The following POLR1C variants were observed in gnomAD, a reference collection of about 807,000 sequenced individuals.
POLR1C encodes the protein RNA polymerase I and III subunit C, also known as DNA-directed RNA polymerases I and III subunit RPAC1.
Under a neutral mutation model 38.3 loss-of-function variants are expected in POLR1C, and 42 were observed. The observed-to-expected ratio is 1.10, with a 90% CI of 0.86 to 1.42. The LOEUF is 1.42. Ranked by LOEUF, POLR1C falls within the 40% of genes most tolerant of loss-of-function variation. The pLI is 0.00. For missense variants in POLR1C, 507 were observed against 450.5 expected, an observed-to-expected ratio of 1.13 and a Z score of -1.14; for synonymous variants, 163 against 163.9, an observed-to-expected ratio of 0.99 and a Z score of 0.04.
intron 2 of POLR1C, 41 bp from the exon 3 acceptor site, chr6:43,519,290 CAG>C (rs1561856821): frequency 8.3e-7 from 1 of 1,199,570 alleles, no homozygotes; most frequent in African/African-American, 1.5e-5. Context: ...AGATATTACA[CAG>C]AGAGCAGATT....
downstream of POLR1C, chr6:43,530,940 G>A: frequency 1.5e-6 from 2 of 1,326,878 alleles, no homozygotes; most frequent in Non-Finnish European, 1.0e-6. Flanking sequence ...CAGAAGAGCA[G>A]TTGTATTTAC....
At chr6:43,528,074 A>G (rs1157547865) in intron 8 of POLR1C, 1 of 1,357,350 alleles carries the variant, frequency 7.4e-7, no homozygotes, top group African/African-American at 1.5e-5. Flanking sequence ...ACCCTGGGAC[A>G]GCAGAATCCC....
At chr6:43,558,401 G>A (rs1561881411) in intron 10 of POLR1C, 6 of 1,051,458 alleles carry the variant, frequency 5.7e-6, no homozygotes, top group Non-Finnish European at 6.8e-6. Flanking sequence ...TCCAGATTTG[G>A]GGATCTTTCG....
intron 10 of POLR1C, chr6:43,555,807 A>T (rs1274923072): frequency 6.2e-7 from 1 of 1,613,432 alleles, no homozygotes; most frequent in South Asian, 1.1e-5. Context: ...CTAACATTTC[A>T]CTAACATTCA....
downstream of POLR1C, among the ~76,000 whole-genome samples, chr6:43,529,909 C>CAAAAAAAAAA (rs1191727799): frequency 1.0e-5 from 1 of 97,558 alleles, no homozygotes; most frequent in Non-Finnish European, 2.1e-5. Flanking sequence ...GACCCTGTCT[C>CAAAAAAAAAA]AAAAAAAAAA....
downstream of POLR1C, chr6:43,526,365 G>C (rs972700588): frequency 2.3e-6 from 1 of 436,702 alleles, no homozygotes; most frequent in Non-Finnish European, 4.2e-6. Flanking sequence ...TAAAGCAGAG[G>C]AATACAGAGT....
chr6:43,532,662 C>T (rs556112476), downstream of POLR1C, among the ~76,000 whole-genome samples: 2 of 152,310 alleles, frequency 1.3e-5, no homozygotes, highest in Admixed American at 6.5e-5. Flanking sequence ...CTAGCTAGTT[C>T]GTACTCATCC....
downstream of POLR1C, chr6:43,533,832 TA>T: frequency 8.3e-7 from 1 of 1,200,956 alleles, no homozygotes; most frequent in South Asian, 1.3e-5. Context: ...CTATGACTCT[TA>T]AAAAACAACA....
At chr6:43,528,496 TC>T (rs895907743) in intron 8 of POLR1C, among the ~76,000 whole-genome samples, 6 of 152,148 alleles carry the variant, frequency 3.9e-5, no homozygotes, top group Admixed American at 1.3e-4. Flanking sequence ...ACCCAGCTGG[TC>T]CCCCTGCTTA....
intron 8 of POLR1C, chr6:43,528,138 G>A (rs1165824044): frequency 6.3e-7 from 1 of 1,582,380 alleles, no homozygotes. Flanking sequence ...CCACCAAGAA[G>A]AGTGGGTAGG....
At chr6:43,556,039 T>G (rs1762063628) in intron 10 of POLR1C, 7 of 1,571,504 alleles carry the variant, frequency 4.5e-6, no homozygotes, top group Middle Eastern at 1.7e-4. Flanking sequence ...GTTTATTAAT[T>G]TACCACCCTA....
intron 9 of POLR1C, chr6:43,546,695 C>T: frequency 6.2e-7 from 1 of 1,612,650 alleles, no homozygotes; most frequent in Non-Finnish European, 8.5e-7. Flanking sequence ...TCTTCTAGGT[C>T]AGTGGGCCAG....
chr6:43,540,521 C>A (rs1455360318), intron 9 of POLR1C, among the ~76,000 whole-genome samples: 1 of 152,028 alleles, frequency 6.6e-6, no homozygotes, highest in Non-Finnish European at 1.5e-5. Context: ...GGCATGGTGG[C>A]ACACACCTGT....
At chr6:43,533,818 G>A, downstream of POLR1C, 1 of 960,426 alleles carries the variant, frequency 1.0e-6, no homozygotes, top group Non-Finnish European at 1.5e-6. Context: ...CTGGGTGACA[G>A]AGACTATGAC....
At chr6:43,559,605 G>A (rs1412160456) in intron 10 of POLR1C, among the ~76,000 whole-genome samples, 1 of 152,108 alleles carries the variant, frequency 6.6e-6, no homozygotes, top group Non-Finnish European at 1.5e-5. Flanking sequence ...AAAGCATTCT[G>A]CTTTTAACCC....
At position 43,521,310 on chromosome 6, in the gene POLR1C, CTTCTGAGGCAAGCTGAAGCTTTGGG is replaced by C; in HGVS notation, c.*17_*41del. Reference sequence around the variant, plus strand: ...GGTTCAGATGGACTGAGCTTGGATGCTTCTGAGGCAAGCTGAAGCTTTGGGTTCTGACTGACCCACCCTACAGGAC... The same window carrying C: ...GGTTCAGATGGACTGAGCTTGGATGCTTCTGACTGACCCACCCTACAGGAC... On this transcript the variant is annotated 3_prime_UTR_variant, in exon 9 of 9. Transcript: ENST00000642195. 1.2e-6 allele frequency: 2 copies of C among 1,612,068 alleles called. No individual in the cohort carries two copies. The highest frequency in any genetic ancestry group is 2.2e-5 in the South Asian group (2 of 90,976).
intron 9 of POLR1C, chr6:43,539,027 G>A: frequency 1.9e-6 from 3 of 1,549,258 alleles, no homozygotes; most frequent in South Asian, 1.1e-5. Context: ...GCAGCCCTGG[G>A]CTGAGGTGTA....
downstream of POLR1C, chr6:43,523,703 C>T (rs7759854): frequency 8.7e-3 from 9,192 of 1,058,394 alleles, 551 homozygotes; most frequent in African/African-American, 0.12. Flanking sequence ...ATAATTACTT[C>T]TGGTCCTGCA....
At chr6:43,550,613 T>C (rs548238890) in intron 9 of POLR1C, among the ~76,000 whole-genome samples, 9 of 152,364 alleles carry the variant, frequency 5.9e-5, no homozygotes, top group Non-Finnish European at 1.2e-4. Flanking sequence ...ACTACTATGA[T>C]GATGATGCTT....
Sources: allele counts gnomAD v4.1 joint callset (sites outside exome capture counted in the v4.1 genomes callset), GRCh38; gene constraint gnomAD v4.1.1; transcripts MANE v1.5; gene names NCBI Gene and HGNC (gene_info 2026-07-23, HGNC 2026-07-21).